The following SERINC5 variants were observed in gnomAD, a reference collection of about 807,000 sequenced individuals.
SERINC5 encodes the protein serine incorporator 5.
Under a neutral mutation model 63.1 loss-of-function variants are expected in SERINC5, and 41 were observed. The observed-to-expected ratio is 0.65, with a 90% CI of 0.51 to 0.84. SERINC5 has a LOEUF of 0.84. Among genes scored for constraint, SERINC5 ranks in the 40% least tolerant of loss-of-function variants. SERINC5 has a pLI of 0.00. For synonymous variants in SERINC5, 222 were observed against 215.2 expected (o/e 1.03, Z -0.28); for missense variants, 523 against 573.0 (o/e 0.91, Z 0.89).
intron 1 of SERINC5, among the ~76,000 whole-genome samples, chr5:80,213,248 AG>A (rs2112519463): frequency 1.3e-5 from 2 of 151,916 alleles, no homozygotes; most frequent in Admixed American, 6.6e-5. Context: ...TGCATCTCAA[AG>A]AAAGAAAAAA....
At chr5:80,226,427 G>A (rs1433562348) in intron 1 of SERINC5, among the ~76,000 whole-genome samples, 1 of 152,138 alleles carries the variant, frequency 6.6e-6, no homozygotes, top group Non-Finnish European at 1.5e-5. Context: ...AGCCCAACAG[G>A]ATTCCAAAAC....
At chr5:80,120,395 G>A (rs943796117) in intron 11 of SERINC5, among the ~76,000 whole-genome samples, 1 of 152,184 alleles carries the variant, frequency 6.6e-6, no homozygotes, top group African/African-American at 2.4e-5. Context: ...CTACAACATG[G>A]AAGGAGCCTG....
rs117362649 is a variant in SERINC5, at chr5:80,133,402, T to C, written c.1238+12688A>G. Among the ~76,000 whole-genome samples the C allele has an allele frequency of 1.4e-3, 207 of 152,316 alleles. 2 individuals are homozygous for C. The East Asian group carries it at 0.034, about 25-fold the overall frequency. Reference sequence around the variant, plus strand: ...TTACATACTGGCAGCTCAATTACACTGTCACTTGTAGCAATGTGGAAGATG... The same window carrying C: ...TTACATACTGGCAGCTCAATTACACCGTCACTTGTAGCAATGTGGAAGATG... On this transcript the variant is annotated intron_variant, in intron 11 of 12. Transcript: ENST00000509193.
At chr5:80,194,216 T>C (rs1749363898) in intron 2 of SERINC5, among the ~76,000 whole-genome samples, 1 of 152,238 alleles carries the variant, frequency 6.6e-6, no homozygotes. Flanking sequence ...TTTCTTGTTA[T>C]TGTTAATTTG....
rs558923234 is a variant in SERINC5, at chr5:80,139,472, CT to C, written c.*4190del. The C allele has an allele frequency of 6.7e-3, 6,636 of 985,268 alleles. 23 individuals carry two copies. The highest frequency in any genetic ancestry group is 7.5e-3 in the Non-Finnish European group (6,201 of 829,896). The allele number at this position is 985,268 out of a possible 1,614,324, so 61.0% of individuals were successfully genotyped here. On this transcript the variant is annotated 3_prime_UTR_variant, in exon 12 of 12. Coordinates refer to ENST00000507668, the MANE Select transcript of SERINC5 (RefSeq NM_001174072.3). ...GGGACATATGCATTCTTAATCTGCC[CT>C]TCCCCATTTGTTTCTTTCTGAAAGG... is the stretch of plus-strand genomic sequence containing the variant.
intron 11 of SERINC5, among the ~76,000 whole-genome samples, chr5:80,127,665 A>G (rs1314076380): frequency 6.6e-6 from 1 of 152,082 alleles, no homozygotes; most frequent in African/African-American, 2.4e-5. Flanking sequence ...TTTAAAACTT[A>G]ATTTTGAAGA....
chr5:80,222,460 CATA>C (rs1462196148), intron 1 of SERINC5, among the ~76,000 whole-genome samples: 6 of 151,400 alleles, frequency 4.0e-5, no homozygotes, highest in African/African-American at 1.5e-4. Flanking sequence ...AGATTTACTT[CATA>C]ATAACAAAAC....
chr5:80,152,484 C>A (rs988500779), intron 8 of SERINC5, among the ~76,000 whole-genome samples: 1 of 144,058 alleles, frequency 6.9e-6, no homozygotes, highest in East Asian at 2.0e-4. Context: ...ACAGAAGGAC[C>A]CTGTCTCAAA....
intron 2 of SERINC5, among the ~76,000 whole-genome samples, chr5:80,188,482 G>A (rs1413381905): frequency 6.6e-6 from 1 of 152,066 alleles, no homozygotes; most frequent in African/African-American, 2.4e-5. Flanking sequence ...GTCCCCAGGT[G>A]TGAGTGGATC....
intron 1 of SERINC5, among the ~76,000 whole-genome samples, chr5:80,240,264 A>C (rs1751891089): frequency 1.3e-5 from 2 of 152,196 alleles, no homozygotes; most frequent in African/African-American, 4.8e-5. Context: ...ATCCAATTCC[A>C]GATAACCTTC....
At chr5:80,249,250 G>C (rs1211941303) in intron 1 of SERINC5, among the ~76,000 whole-genome samples, 1 of 151,856 alleles carries the variant, frequency 6.6e-6, no homozygotes, top group East Asian at 1.9e-4. Flanking sequence ...GGGAGGCGGA[G>C]CTTGCAGTGA....
intron 9 of SERINC5, among the ~76,000 whole-genome samples, chr5:80,148,448 C>T (rs1309145786): frequency 6.6e-6 from 1 of 151,922 alleles, no homozygotes; most frequent in East Asian, 1.9e-4. Flanking sequence ...CCTCGGCCTC[C>T]CAAAGTGCTG....
chr5:80,255,855 T>A, intron 1 of SERINC5, 41 bp downstream of exon 1: 1 of 1,585,984 alleles, frequency 6.3e-7, no homozygotes, highest in Non-Finnish European at 8.5e-7. Flanking sequence ...GGCCCGGTTC[T>A]CCGATCTGAC....
chr5:80,188,670 G>A (rs1453019667), intron 2 of SERINC5, among the ~76,000 whole-genome samples: 1 of 152,114 alleles, frequency 6.6e-6, no homozygotes, highest in Non-Finnish European at 1.5e-5. Flanking sequence ...AGGATCACTT[G>A]AGCCCCGGAG....
Position 80,174,966 on chromosome 5 carries a change from C to A in SERINC5, c.539G>T (p.Trp180Leu). 6.3e-7 allele frequency: 1 copy of A among 1,598,134 alleles called. No individual in the cohort carries two copies. The highest frequency in any genetic ancestry group is 8.5e-7 in the Non-Finnish European group (1 of 1,171,856). The change falls in exon 5 of 12, where the codon TGG becomes TTG. Residue 180 changes from tryptophan to leucine, a missense_variant. Transcript: ENST00000507668. ...TAAAGGCACACACCAGTTCTTGTTC[C>A]ACTTATGTGCAAACTCCACGAGCAG... ...LLLLVEFAHK[W>L]NKNWTAGTAS...
chr5:80,249,378 A>C (rs1752302576), intron 1 of SERINC5, among the ~76,000 whole-genome samples: 1 of 152,190 alleles, frequency 6.6e-6, no homozygotes, highest in Non-Finnish European at 1.5e-5. Context: ...ATGTAAACCC[A>C]GAAAACATTA....
chr5:80,236,253 G>A (rs1751682742), intron 1 of SERINC5, among the ~76,000 whole-genome samples: 1 of 152,058 alleles, frequency 6.6e-6, no homozygotes, highest in South Asian at 2.1e-4. Context: ...AGATCCTAGG[G>A]ATTATCCCAT....
At chr5:80,203,257 CATATAT>C (rs35653111) in intron 1 of SERINC5, 5 of 257,622 alleles carry the variant, frequency 1.9e-5, no homozygotes, top group East Asian at 1.2e-4. Context: ...TATATATACA[CATATAT>C]ATATATATGT....
intron 8 of SERINC5, among the ~76,000 whole-genome samples, chr5:80,154,998 C>T (rs1446857293): frequency 1.3e-5 from 2 of 152,114 alleles, no homozygotes; most frequent in Non-Finnish European, 2.9e-5. Flanking sequence ...CCTAAATACT[C>T]CCGAAAAGGA....
Sources: gnomAD v4.1 joint callset for allele counts (sites outside exome capture counted in the v4.1 genomes callset) on GRCh38, gnomAD v4.1.1 for gene constraint, MANE v1.5 for transcripts, NCBI Gene and HGNC (gene_info 2026-07-23, HGNC 2026-07-21) for gene names.